Variants in CORO7 observed in about 807,000 individuals in gnomAD.
The protein encoded by CORO7 is coronin-7.
Under a neutral mutation model 126.6 loss-of-function variants are expected in CORO7, and 107 were observed. The observed-to-expected ratio is 0.85, with a 90% CI of 0.72 to 0.99. The LOEUF is 0.99. Among genes scored for constraint, CORO7 ranks in the 50% least tolerant of loss-of-function variants. The pLI is 0.00. For missense variants in CORO7, 1,314 were observed against 1,255.8 expected, an observed-to-expected ratio of 1.05 and a Z score of -0.70; for synonymous variants, 603 against 536.8, an observed-to-expected ratio of 1.12 and a Z score of -1.70.
Position 4,355,229 on chromosome 16 carries a change from G to A in CORO7, c.2772+57C>T, listed in dbSNP as rs376729244. On this transcript the variant is annotated intron_variant, in intron 27 of 27. Coordinates refer to ENST00000251166, the MANE Select transcript of CORO7 (RefSeq NM_024535.5). ...CCTGGGAAGGGAGGAGGCATGCACC[G>A]TGGCATGTGCGAGGGACCGCGCTGC... 173 of 1,604,186 alleles carry A rather than the reference G, an allele frequency of 1.1e-4. 1 individual carries two copies. In the South Asian group the frequency reaches 1.5e-3, roughly 14 times the overall value.
chr16:4,386,324 T>C (rs979242151), intron 9 of CORO7, among the ~76,000 whole-genome samples: 9 of 152,132 alleles, frequency 5.9e-5, no homozygotes, highest in Non-Finnish European at 1.0e-4. Context: ...GAGGCCACAC[T>C]GGGGCCGGGC....
intron 3 of CORO7, among the ~76,000 whole-genome samples, chr16:4,409,338 C>T (rs1345431360): frequency 1.3e-5 from 2 of 152,240 alleles, no homozygotes; most frequent in African/African-American, 2.4e-5. Flanking sequence ...CTGCTGCCCT[C>T]ACTCTGGGGT....
Position 4,359,318 on chromosome 16 carries a change from A to G in CORO7, c.2318T>C (p.Phe773Ser). The G allele has an allele frequency of 1.2e-6, 2 of 1,611,006 alleles. No homozygotes were observed. Among genetic ancestry groups the G allele is most frequent in the Non-Finnish European group, 1.7e-6 (2 of 1,179,088 alleles). The change falls in exon 23 of 28, where the codon TTC becomes TCC. Residue 773 changes from phenylalanine to serine, a missense_variant. Transcript: ENST00000251166. Reference protein sequence around the residue: ...ESPFFLECNSFTSPDPHKGLV... With the variant: ...ESPFFLECNSSTSPDPHKGLV... The stretch of plus-strand genomic sequence containing the variant: ...CACCTTGTGGGGGTCAGGCGACGTG[A>G]AGCTGTTGCACTCCAGGAAGAAAGG...
intron 5 of CORO7, 87 bp downstream of exon 5, chr16:4,407,414 T>A: frequency 1.4e-6 from 2 of 1,459,554 alleles, no homozygotes; most frequent in Non-Finnish European, 1.8e-6. Context: ...TGTTTTTAAA[T>A]TTATGTGACT....
intron 7 of CORO7, among the ~76,000 whole-genome samples, chr16:4,393,150 C>CTCT (rs763290576): frequency 6.9e-4 from 105 of 152,268 alleles, no homozygotes; most frequent in Non-Finnish European, 1.2e-3. Context: ...GAGCCATGCC[C>CTCT]GGTAGGTCGG....
intron 6 of CORO7, among the ~76,000 whole-genome samples, chr16:4,401,785 A>T (rs1240382758): frequency 6.6e-6 from 1 of 152,234 alleles, no homozygotes; most frequent in Non-Finnish European, 1.5e-5. Flanking sequence ...CACGACATCC[A>T]GCAGTCAGGG....
intron 6 of CORO7, among the ~76,000 whole-genome samples, chr16:4,400,397 G>C (rs577608053): frequency 6.6e-6 from 1 of 152,318 alleles, no homozygotes; most frequent in East Asian, 1.9e-4. Flanking sequence ...ACTTTGGGAG[G>C]CCGAGGTGGG....
intron 9 of CORO7, among the ~76,000 whole-genome samples, chr16:4,378,708 G>C (rs1256141248): frequency 6.6e-6 from 1 of 152,044 alleles, no homozygotes; most frequent in South Asian, 2.1e-4. Flanking sequence ...AGGCCCTCCT[G>C]GGCTGTTCAC....
chr16:4,382,697 C>A (rs1052389571), intron 9 of CORO7: 1 of 1,546,982 alleles, frequency 6.5e-7, no homozygotes, highest in Non-Finnish European at 8.7e-7. Context: ...GCCATGGCAG[C>A]AGCGGCTCAG....
rs752511940 is a variant in CORO7, at chr16:4,407,655, G to C, written c.333C>G (p.Gly111=). 5.6e-6 allele frequency: 9 copies of C among 1,603,428 alleles called. No individual in the cohort carries two copies. In the South Asian group the frequency reaches 7.8e-5, roughly 14 times the overall value. ...TVKLWRLPGP[G]QALPSAPGVV... is the part of the protein sequence containing the mutation. ...CCCCGGGTGCTGAGGGCAGGGCCTGGCCAGGCCCTGGCAGTCGCCAGAGTT... is the reference window on the plus strand; with the variant it reads ...CCCCGGGTGCTGAGGGCAGGGCCTGCCCAGGCCCTGGCAGTCGCCAGAGTT... Residue 111 remains glycine (G), a synonymous_variant, in exon 5 of 28, where the codon GGC becomes GGG. Coordinates refer to ENST00000251166, the MANE Select transcript of CORO7 (RefSeq NM_024535.5).
intron 5 of CORO7, among the ~76,000 whole-genome samples, chr16:4,406,998 A>T (rs1334538158): frequency 6.8e-6 from 1 of 148,114 alleles, no homozygotes; most frequent in Non-Finnish European, 1.5e-5. Flanking sequence ...CCCAGGCTGG[A>T]GCGCAGTGGT....
At chr16:4,413,194 G>T in intron 2 of CORO7, 114 bp downstream of exon 2, 1 of 1,114,114 alleles carries the variant, frequency 9.0e-7, no homozygotes, top group Non-Finnish European at 1.3e-6. Flanking sequence ...GCCCCCCAAA[G>T]CAGTTCCGTT....
At chr16:4,406,709 T>C (rs1446239269) in intron 5 of CORO7, among the ~76,000 whole-genome samples, 1 of 151,860 alleles carries the variant, frequency 6.6e-6, no homozygotes, top group Non-Finnish European at 1.5e-5. Context: ...TCGCTCTCCA[T>C]AGCCACTGCA....
chr16:4,405,384 G>C (rs2055959798), intron 6 of CORO7, 107 bp downstream of exon 6: 1 of 1,291,618 alleles, frequency 7.7e-7, no homozygotes, highest in Non-Finnish European at 1.0e-6. Flanking sequence ...CCTGACCTCA[G>C]TGCTCCACTG....
At chr16:4,364,183 C>T in intron 14 of CORO7, 93 bp downstream of exon 14, 1 of 1,369,962 alleles carries the variant, frequency 7.3e-7, no homozygotes, top group South Asian at 1.7e-5. Context: ...GAGACACTGT[C>T]TCAAAAAAAA....
At chr16:4,382,689 C>T (rs748491344) in intron 9 of CORO7, 1 of 1,547,034 alleles carries the variant, frequency 6.5e-7, no homozygotes, top group East Asian at 2.4e-5. Context: ...GGGGGCGGGC[C>T]ATGGCAGCAG....
chr16:4,355,489 G>T (rs71388570), intron 26 of CORO7, 117 bp from the exon 27 acceptor site: 83,031 of 1,122,934 alleles, frequency 0.074, 4,128 homozygotes, highest in African/African-American at 0.19. Flanking sequence ...TTTTTAGACG[G>T]AGTCTTGCTC....
intron 16 of CORO7, 49 bp from the exon 17 acceptor site, chr16:4,361,518 G>A (rs749983468): frequency 1.3e-6 from 2 of 1,596,214 alleles, no homozygotes; most frequent in Non-Finnish European, 1.7e-6. Context: ...AGGCAGAAAA[G>A]CCAGTCCCCA....
chr16:4,385,554 G>T (rs1207243318), intron 9 of CORO7, among the ~76,000 whole-genome samples: 1 of 152,022 alleles, frequency 6.6e-6, no homozygotes, highest in Non-Finnish European at 1.5e-5. Context: ...TTCAGTGCAG[G>T]CTGCCAGTCC....
Sources: gnomAD v4.1 joint callset for allele counts (sites outside exome capture counted in the v4.1 genomes callset) on GRCh38, gnomAD v4.1.1 for gene constraint, MANE v1.5 for transcripts, NCBI Gene and HGNC (gene_info 2026-07-23, HGNC 2026-07-21) for gene names.